Variants in CYP11A1 observed in about 807,000 individuals in gnomAD.
The protein encoded by CYP11A1 is cholesterol side-chain cleavage enzyme, mitochondrial.
In CYP11A1, 25 loss-of-function variants were observed where a neutral mutation model predicts 51.9. That is an observed-to-expected ratio of 0.48 (90% CI 0.35 to 0.67). The LOEUF (loss-of-function observed/expected upper bound fraction) is 0.67. CYP11A1 is among the 30% of genes least tolerant of loss of function. The pLI, the probability that CYP11A1 is intolerant of heterozygous loss-of-function variation, is 0.00. For synonymous variants in CYP11A1, 245 were observed against 262.1 expected, an observed-to-expected ratio of 0.93 and a Z score of 0.63; for missense variants, 578 against 680.9, an observed-to-expected ratio of 0.85 and a Z score of 1.68.
At chr15:74,367,252 C>G (rs2060738127) in intron 1 of CYP11A1, 65 bp downstream of exon 1, 11 of 1,593,692 alleles carry the variant, frequency 6.9e-6, no homozygotes, top group Non-Finnish European at 9.5e-6. Context: ...GTGGGGACTA[C>G]AGCAGGGCTA....
At chr15:74,346,370 A>G (rs866533573) in intron 2 of CYP11A1, among the ~76,000 whole-genome samples, 347 of 135,646 alleles carry the variant, frequency 2.6e-3, no homozygotes, top group South Asian at 8.8e-3. Flanking sequence ...AAAAAAAAAA[A>G]AAAGAAAGAA....
At chr15:74,344,811 G>T in intron 3 of CYP11A1, 2 of 585,342 alleles carry the variant, frequency 3.4e-6, no homozygotes, top group Non-Finnish European at 6.2e-6. Flanking sequence ...ACAAATGCCA[G>T]ATGAGAGAGA....
intron 5 of CYP11A1, among the ~76,000 whole-genome samples, 153 bp from the exon 6 acceptor site, chr15:74,339,906 A>G (rs1470183739): frequency 6.6e-6 from 1 of 152,164 alleles, no homozygotes; most frequent in African/African-American, 2.4e-5. Flanking sequence ...CAAGAGCAAA[A>G]CACATTCCAT....
intron 7 of CYP11A1, 138 bp from the exon 8 acceptor site, chr15:74,338,906 C>T: frequency 1.2e-6 from 1 of 813,544 alleles, no homozygotes; most frequent in Non-Finnish European, 2.0e-6. Context: ...CAGGGCAGGA[C>T]ATTCTGCCCA....
At chr15:74,342,351 G>A (rs574539401) in intron 5 of CYP11A1, among the ~76,000 whole-genome samples, 1 of 152,240 alleles carries the variant, frequency 6.6e-6, no homozygotes, top group African/African-American at 2.4e-5. Flanking sequence ...CAAAGTGCTG[G>A]GATTACAGGC....
Position 74,337,948 on chromosome 15 carries a change from G to A in CYP11A1, c.*24C>T. On this transcript the variant is annotated 3_prime_UTR_variant, in exon 9 of 9. Coordinates refer to ENST00000268053, the MANE Select transcript of CYP11A1 (RefSeq NM_000781.3). ...CCCCACCCCTGGGCCTTCCTCCCAT[G>A]TGGCTGCAGGCCATCCTCTCTGATC... is the stretch of plus-strand genomic sequence containing the variant. 6.2e-7 allele frequency: 1 copy of A among 1,613,376 alleles called. No homozygotes were observed. Among genetic ancestry groups the A allele is most frequent in the Middle Eastern group, 1.8e-4 (1 of 5,472 alleles).
Position 74,367,567 on chromosome 15 carries a change from G to T in CYP11A1, c.19C>A (p.Pro7Thr), listed in dbSNP as rs999606408. The T allele has an allele frequency of 1.9e-6, 3 of 1,613,946 alleles. No individual in the cohort carries two copies. Among genetic ancestry groups the T allele is most frequent in the Non-Finnish European group, 1.7e-6 (2 of 1,179,996 alleles). The change falls in exon 1 of 9, where the codon CCC (proline) becomes ACC (threonine). Residue 7 changes from proline (P) to threonine (T), a missense_variant. Pro to Thr is a conservative substitution (Grantham distance 38, BLOSUM62 -1). Coordinates refer to ENST00000268053, the MANE Select transcript of CYP11A1 (RefSeq NM_000781.3). MLAKGL[P>T]PRSVLVKGCQ... ...CCTTTGACCAGGACTGAGCGTGGGG[G>T]AAGACCCTTGGCCAGCATGCTGTCC...
At chr15:74,339,104 T>G in intron 7 of CYP11A1, 133 bp downstream of exon 7, 3 of 788,318 alleles carry the variant, frequency 3.8e-6, no homozygotes, top group Non-Finnish European at 6.7e-6. Context: ...CCACCACCTC[T>G]GCCCTTCATT....
In CYP11A1 at chr15:74,345,159, C is replaced by T. The variant is rs2141235325; in HGVS notation, c.510G>A (p.Leu170=). The change falls in exon 3 of 9, where the codon CTG becomes CTA. Residue 170 remains leucine, a synonymous_variant. Coordinates refer to ENST00000268053, the MANE Select transcript of CYP11A1 (RefSeq NM_000781.3). The surrounding 1 kb of genome is among the most constrained non-coding windows in gnomAD (Gnocchi z 4.3). ...CGAAGTCCCGAGACACTGCATCCAA[C>T]AGGGGCAAAAAGTTCTTGGTGGCCT... ...APEATKNFLP[L]LDAVSRDFVS... 2 of 1,614,222 alleles carry T rather than the reference C, an allele frequency of 1.2e-6. No individual in the cohort carries two copies. The highest frequency in any genetic ancestry group is 1.7e-6 in the Non-Finnish European group (2 of 1,180,036).
intron 5 of CYP11A1, among the ~76,000 whole-genome samples, chr15:74,341,695 A>G (rs894592884): frequency 1.3e-5 from 2 of 152,106 alleles, no homozygotes; most frequent in Non-Finnish European, 2.9e-5. Flanking sequence ...CCCTCCCAAA[A>G]TTCATCTGCT....
chr15:74,343,664 C>T (rs2060618544), intron 4 of CYP11A1, 125 bp downstream of exon 4: 10 of 871,908 alleles, frequency 1.1e-5, no homozygotes, highest in African/African-American at 3.3e-5. Flanking sequence ...CTGACACCCA[C>T]GCCTGCCCGC....
intron 6 of CYP11A1, 61 bp from the exon 7 acceptor site, chr15:74,339,376 C>A: frequency 1.9e-6 from 3 of 1,550,818 alleles, no homozygotes; most frequent in Non-Finnish European, 2.7e-6. Context: ...CCGCCGGAGC[C>A]CCACACCCTG....
At chr15:74,361,306 TA>T in intron 1 of CYP11A1, 1 of 189,484 alleles carries the variant, frequency 5.3e-6, no homozygotes, top group Non-Finnish European at 1.1e-5. Context: ...TCTCAAATTC[TA>T]ATGTCTAAGT....
chr15:74,343,326 G>T (rs1310056135), intron 4 of CYP11A1, among the ~76,000 whole-genome samples, 189 bp from the exon 5 acceptor site: 1 of 152,106 alleles, frequency 6.6e-6, no homozygotes, highest in African/African-American at 2.4e-5. Flanking sequence ...GAATTCTTGG[G>T]GTATGTGACA....
chr15:74,342,845 G>T lies in CYP11A1; in HGVS notation c.990+132C>A, dbSNP rs1442305077. ...GGAGATTAGCGCTTTGGAAATGGAGGCAAGGAGGAAGACATATCCTACATG... is the reference window on the plus strand; with the variant it reads ...GGAGATTAGCGCTTTGGAAATGGAGTCAAGGAGGAAGACATATCCTACATG... On this transcript the variant is annotated intron_variant, in intron 5 of 8. Coordinates refer to ENST00000268053, the MANE Select transcript of CYP11A1 (RefSeq NM_000781.3). 1.4e-5 allele frequency: 13 copies of T among 920,864 alleles called. No homozygotes were observed. In the East Asian group the frequency reaches 2.2e-4, roughly 16 times the overall value. The allele number at this position is 920,864 out of a possible 1,614,324, so 57.0% of individuals were successfully genotyped here. A position where few individuals can be genotyped will look rare whatever the true frequency, so the allele number is the denominator to read the frequency against.
chr15:74,338,177 T>C, intron 8 of CYP11A1, 74 bp from the exon 9 acceptor site: 1 of 1,549,114 alleles, frequency 6.5e-7, no homozygotes, highest in South Asian at 1.1e-5. Flanking sequence ...AATTCACCCA[T>C]AGGCAGTGCC....
chr15:74,356,126 G>C (rs548043821), intron 1 of CYP11A1, among the ~76,000 whole-genome samples: 17 of 152,234 alleles, frequency 1.1e-4, no homozygotes, highest in Non-Finnish European at 2.2e-4. Flanking sequence ...CGCATCTCCA[G>C]CATACAAGAA....
At chr15:74,350,365 TATA>T in intron 1 of CYP11A1, 1 of 188,814 alleles carries the variant, frequency 5.3e-6, no homozygotes, top group Non-Finnish European at 1.2e-5. Context: ...TAAGTTCAAG[TATA>T]ATGACACACA....
At chr15:74,351,413 C>T (rs56840493) in intron 1 of CYP11A1, among the ~76,000 whole-genome samples, 3,332 of 152,308 alleles carry the variant, frequency 0.022, 87 homozygotes, top group African/African-American at 0.066. Flanking sequence ...TTAAACCTTA[C>T]TTTCTTATGC....
Sources: gnomAD v4.1 joint callset for allele counts (sites outside exome capture counted in the v4.1 genomes callset) on GRCh38, gnomAD v4.1.1 for gene constraint, Gnocchi (gnomAD v3.1) non-coding constraint, MANE v1.5 for transcripts, NCBI Gene and HGNC (gene_info 2026-07-23, HGNC 2026-07-21) for gene names.